The following PKD1L3 variants were observed in gnomAD, a reference collection of about 807,000 sequenced individuals.
The protein encoded by PKD1L3 is polycystin-1-like protein 3.
PKD1L3 carries 239 observed loss-of-function variants against 184.1 expected under a neutral mutation model. That is an observed-to-expected ratio of 1.30 (90% CI 1.17 to 1.45). The LOEUF is 1.45. Among genes scored for constraint, PKD1L3 ranks in the 40% most tolerant of loss-of-function variants. PKD1L3 has a pLI of 0.00. For synonymous variants in PKD1L3, 996 were observed against 778.8 expected, an observed-to-expected ratio of 1.28 and a Z score of -4.64; for missense variants, 2,660 against 2,067.2, an observed-to-expected ratio of 1.29 and a Z score of -5.56.
In PKD1L3 at chr16:71,977,255, C is replaced by CT. The variant is rs1405212897; in HGVS notation, c.1739dup (p.Asp581GlyfsTer2). Reference sequence around the variant, plus strand: ...TTTTACCTTTTTGCCACACCTTATCCTTTGGAAGGGTGATGTTCAGGTGGA... The same window carrying CT: ...TTTTACCTTTTTGCCACACCTTATCCTTTTGGAAGGGTGATGTTCAGGTGGA... On this transcript the variant is annotated frameshift_variant, in exon 11 of 30. Coordinates refer to ENST00000620267, the MANE Select transcript of PKD1L3 (RefSeq NM_181536.2). LOFTEE classifies it high-confidence loss of function. 2 of 1,530,608 alleles carry CT rather than the reference C, an allele frequency of 1.3e-6. No homozygotes were observed. Among genetic ancestry groups the CT allele is most frequent in the Non-Finnish European group, 1.8e-6 (2 of 1,127,948 alleles). The allele number at this position is 1,530,608 out of a possible 1,614,324, so 94.8% of individuals were successfully genotyped here.
chr16:71,980,192 A>G, intron 7 of PKD1L3, 58 bp from the exon 8 acceptor site: 3 of 1,518,488 alleles, frequency 2.0e-6, no homozygotes, highest in Admixed American at 4.0e-5. Flanking sequence ...TATGTTAGTA[A>G]AATAATGTTT....
In PKD1L3 at chr16:71,934,060, A is replaced by G. The variant is rs956815761; in HGVS notation, c.4679T>C (p.Val1560Ala). The change falls in exon 27 of 30, where the codon GTT (valine) becomes GCT (alanine). Residue 1560 changes from valine (V) to alanine (A), a missense_variant. Physicochemically the swap from Val to Ala is moderately conservative, Grantham distance 64. Coordinates refer to ENST00000620267, the MANE Select transcript of PKD1L3 (RefSeq NM_181536.2). Reference protein sequence around the residue: ...SAATHLVGFPVLLATVQLWNL... With the variant: ...SAATHLVGFPALLATVQLWNL... Reference sequence around the variant, plus strand: ...CCATAACTGAACAGTTGCCAGGAGAACCGGGAAGCCCACAAGGTGAGTCGC... The same window carrying G: ...CCATAACTGAACAGTTGCCAGGAGAGCCGGGAAGCCCACAAGGTGAGTCGC... The G allele has an allele frequency of 1.9e-6, 3 of 1,551,806 alleles. No individual in the cohort carries two copies. Among genetic ancestry groups the G allele is most frequent in the African/African-American group, 2.7e-5 (2 of 73,020 alleles).
intron 28 of PKD1L3, among the ~76,000 whole-genome samples, chr16:71,931,611 C>T (rs1024324451): frequency 6.6e-6 from 1 of 151,640 alleles, no homozygotes; most frequent in African/African-American, 2.4e-5. Context: ...ATTACAGGTT[C>T]CCACCACCAT....
At chr16:71,974,503 A>G (rs751441489) in intron 11 of PKD1L3, among the ~76,000 whole-genome samples, 63 of 152,076 alleles carry the variant, frequency 4.1e-4, no homozygotes, top group Admixed American at 2.5e-3. Flanking sequence ...GAACATGGCA[A>G]AACCCTGTCT....
chr16:71,993,351 AC>A lies in PKD1L3; in HGVS notation c.419-20del, dbSNP rs755228551. The A allele has an allele frequency of 1.4e-6, 2 of 1,462,036 alleles. No homozygotes were observed. Among genetic ancestry groups the A allele is most frequent in the Non-Finnish European group, 9.3e-7 (1 of 1,071,090 alleles). 90.6% of individuals were successfully genotyped at this position (1,462,036 alleles called of 1,614,324 possible). On this transcript the variant is annotated intron_variant, in intron 2 of 29. Transcript: ENST00000620267. ...AAGTCACCTATTTGAAAGCCAACAC[AC>A]AAGTTAATTTATAGGTTATAGCTAT... is the stretch of plus-strand genomic sequence containing the variant.
rs780460117 is a variant in PKD1L3 at position 71,979,793 on chromosome 16, T to C, written c.1391A>G (p.Asn464Ser). The C allele has an allele frequency of 6.7e-7, 1 of 1,501,328 alleles. No homozygotes were observed. Among genetic ancestry groups the C allele is most frequent in the East Asian group, 2.5e-5 (1 of 40,598 alleles). The allele number at this position is 1,501,328 out of a possible 1,614,324, so 93.0% of individuals were successfully genotyped here. A position where few individuals can be genotyped will look rare whatever the true frequency, so the allele number is the denominator to read the frequency against. The change falls in exon 9 of 30, where the codon AAT (asparagine) becomes AGT (serine). Residue 464 changes from asparagine (N) to serine (S), a missense_variant. By Grantham distance (46) the Asn-to-Ser change is conservative (BLOSUM62 1). Transcript: ENST00000620267. ...KELLNKHPGV[N>S]VQITGLAFNP... ...AATCAATTTCACACTCACTTGGACA[T>C]TAACTCCTGGATGTTTATTCAAGAG...
At chr16:71,948,422 T>C (rs1162224277) in intron 21 of PKD1L3, among the ~76,000 whole-genome samples, 1 of 152,100 alleles carries the variant, frequency 6.6e-6, no homozygotes, top group Non-Finnish European at 1.5e-5. Flanking sequence ...GGTTTCACTG[T>C]GTTGACCAGG....
In PKD1L3 at chr16:71,973,520, T is replaced by G; in HGVS notation, c.1760-3A>C. The G allele has an allele frequency of 6.4e-7, 1 of 1,550,796 alleles. No individual in the cohort carries two copies. The highest frequency in any genetic ancestry group is 8.7e-7 in the Non-Finnish European group (1 of 1,146,412). Reference sequence around the variant, plus strand: ...CAGCACCCACGTGTACTCCTCATCTTAGAACAAAGAAGAGTGCTTACTTGT... The same window carrying G: ...CAGCACCCACGTGTACTCCTCATCTGAGAACAAAGAAGAGTGCTTACTTGT... On this transcript the variant is annotated splice_polypyrimidine_tract_variant and splice_region_variant and intron_variant, in intron 11 of 29. Transcript: ENST00000620267.
intron 29 of PKD1L3, 90 bp from the exon 30 acceptor site, chr16:71,929,768 TTAGTAAA>T (rs2037859530): frequency 2.4e-6 from 3 of 1,244,828 alleles, no homozygotes; most frequent in Non-Finnish European, 3.3e-6. Flanking sequence ...TTTTAAAAAA[TTAGTAAA>T]TGTAAAGATA....
chr16:71,973,994 T>C lies in PKD1L3; in HGVS notation c.1760-477A>G, dbSNP rs1275963143. On this transcript the variant is annotated intron_variant, in intron 11 of 29. Coordinates refer to ENST00000620267, the MANE Select transcript of PKD1L3 (RefSeq NM_181536.2). ...TCTAGCCTGGGCAACAGAGTGAGAT[T>C]TTGTCTCAAAAAAAAAAAAAAATAT... Among the ~76,000 whole-genome samples the C allele has an allele frequency of 6.8e-5, 6 of 88,002 alleles. No individual in the cohort carries two copies. In the East Asian group the frequency reaches 1.7e-3, roughly 25 times the overall value. The allele number at this position is 88,002 out of a possible 152,430, so 57.7% of individuals were successfully genotyped here.
At position 71,978,236 on chromosome 16, in the gene PKD1L3, C is replaced by T. The variant is rs932171164; in HGVS notation, c.1527+19G>A. ...TATCCCATTCTCTTCTATTTTATTC[C>T]CTAAGAATCAGTTCCTACCTCAATG... On this transcript the variant is annotated intron_variant, in intron 10 of 29. Coordinates refer to ENST00000620267, the MANE Select transcript of PKD1L3 (RefSeq NM_181536.2). The T allele has an allele frequency of 1.3e-6, 2 of 1,543,666 alleles. No homozygotes were observed. The highest frequency in any genetic ancestry group is 1.4e-5 in the African/African-American group (1 of 72,832).
In PKD1L3 at chr16:71,967,240, C is replaced by T; in HGVS notation, c.2362G>A (p.Glu788Lys). The T allele has an allele frequency of 6.4e-7, 1 of 1,551,696 alleles. No homozygotes were observed. The change falls in exon 15 of 30, where the codon GAA (glutamate) becomes AAA (lysine). Residue 788 changes from glutamate (E) to lysine (K), a missense_variant. By Grantham distance (56) the Glu-to-Lys change is moderately conservative. Coordinates refer to ENST00000620267, the MANE Select transcript of PKD1L3 (RefSeq NM_181536.2). ...AGGAAGACATCCAGGCCCCCTCGTT[C>T]AAAGACTGTCTTCTGGGGGTCACAG... Reference protein sequence around the residue: ...HLCDPQKTVFERGGLDVFLLT... With the variant: ...HLCDPQKTVFKRGGLDVFLLT...
chr16:71,993,852 G>A (rs1332106978), intron 2 of PKD1L3, among the ~76,000 whole-genome samples: 2 of 152,180 alleles, frequency 1.3e-5, no homozygotes, highest in Admixed American at 1.3e-4. Context: ...TGGGCTCACT[G>A]CAATCTGCAC....
chr16:71,937,375 G>C lies in PKD1L3; in HGVS notation c.4369C>G (p.Gln1457Glu). The change falls in exon 25 of 30, where the codon CAG (glutamine) becomes GAG (glutamate). Residue 1457 changes from glutamine (Q) to glutamate (E), a missense_variant. Physicochemically the swap from Gln to Glu is conservative, Grantham distance 29. Coordinates refer to ENST00000620267, the MANE Select transcript of PKD1L3 (RefSeq NM_181536.2). ...SLRLESFTSL[Q>E]MSKKGCVWSI... ...CAGACACAGCCCTTCTTTGACATCTGAAGGGAAGTGAAGCTTTCCAGTCTC... is the reference window on the plus strand; with the variant it reads ...CAGACACAGCCCTTCTTTGACATCTCAAGGGAAGTGAAGCTTTCCAGTCTC... 6.4e-7 allele frequency: 1 copy of C among 1,551,642 alleles called. No homozygotes were observed. The highest frequency in any genetic ancestry group is 8.7e-7 in the Non-Finnish European group (1 of 1,146,950).
In PKD1L3 at chr16:71,942,818, G is replaced by T. The variant is rs767125264; in HGVS notation, c.4066C>A (p.Pro1356Thr). Residue 1356 changes from proline (P) to threonine (T), a missense_variant, in exon 24 of 30, where the codon CCC (proline) becomes ACC (threonine). By Grantham distance (38) the Pro-to-Thr change is conservative (BLOSUM62 -1). Transcript: ENST00000620267. ...TGTACCCCACATTTGCAATGACTGG[G>T]CTCCAGGACTGCATTCTTACCTCTG... Reference protein sequence around the residue: ...DYRGKNAVLEPSHCKCGVQLI... With the variant: ...DYRGKNAVLETSHCKCGVQLI... The T allele has an allele frequency of 1.2e-5, 19 of 1,551,464 alleles. No homozygotes were observed. In the Admixed American group the frequency reaches 1.8e-4, roughly 14 times the overall value.
chr16:71,963,386 T>C (rs1362897496), intron 15 of PKD1L3, 35 bp from the exon 16 acceptor site: 3 of 1,516,328 alleles, frequency 2.0e-6, no homozygotes, highest in East Asian at 5.0e-5. Flanking sequence ...ATTAGGGAGA[T>C]GGGCTTGAAT....
intron 16 of PKD1L3, among the ~76,000 whole-genome samples, chr16:71,955,815 G>A (rs566928126): frequency 6.6e-6 from 1 of 152,208 alleles, no homozygotes; most frequent in Admixed American, 6.5e-5. Flanking sequence ...TTTATAAGGT[G>A]CTCCCCACTT....
chr16:71,976,800 TG>T (rs1281468035), intron 11 of PKD1L3, among the ~76,000 whole-genome samples: 3 of 151,982 alleles, frequency 2.0e-5, no homozygotes, highest in Non-Finnish European at 4.4e-5. Context: ...TGGAGTGCAG[TG>T]GCACGGTGTC....
At chr16:71,959,174 G>A (rs58114621) in intron 16 of PKD1L3, among the ~76,000 whole-genome samples, 38,490 of 151,680 alleles carry the variant, frequency 0.25, 5,733 homozygotes, top group East Asian at 0.65. Flanking sequence ...CACTTTGGGA[G>A]GCCAAGGTGG....
Sources: gnomAD v4.1 joint callset for allele counts (sites outside exome capture counted in the v4.1 genomes callset) on GRCh38, gnomAD v4.1.1 for gene constraint, MANE v1.5 for transcripts, NCBI Gene and HGNC (gene_info 2026-07-23, HGNC 2026-07-21) for gene names.